The following NACA variants were observed in gnomAD, a reference collection of about 807,000 sequenced individuals.
The protein encoded by NACA is nascent polypeptide associated complex subunit alpha.
NACA carries 42 observed loss-of-function variants against 86.4 expected under a neutral mutation model. That is an observed-to-expected ratio of 0.49 (90% confidence interval 0.38 to 0.63). The LOEUF (loss-of-function observed/expected upper bound fraction) is 0.63, where lower values mean the gene tolerates loss of function less well. Ranked by LOEUF, NACA falls within the 20% of genes least tolerant of loss-of-function variation. The probability of loss-of-function intolerance (pLI) is 0.00; values close to 1 mark genes in which losing one functional copy is unlikely to be tolerated. For synonymous variants in NACA, 898 were observed against 973.7 expected (o/e 0.92, Z 1.45); for missense variants, 2,157 against 2,483.6 (o/e 0.87, Z 2.80).
At position 56,719,836 on chromosome 12, in the gene NACA, G is replaced by C; in HGVS notation, c.1694C>G (p.Ala565Gly). ...KDPTVLPLVQ[A>G]APKNSPSFQS... ...GAAAGAAGGGGAATTTTTAGGGGCT[G>C]CCTGGACTAACGGTAATACAGTAGG... The change falls in exon 3 of 9, where the codon GCA becomes GGA. Residue 565 changes from alanine (A) to glycine (G), a missense_variant. Around this residue, in one of 8 missense-constraint regions of NACA, gnomAD observed 947 missense variants for 917.9 expected, o/e 1.03. Transcript: ENST00000454682. The C allele has an allele frequency of 6.2e-7, 1 of 1,613,868 alleles. No individual in the cohort carries two copies. Among genetic ancestry groups the C allele is most frequent in the Non-Finnish European group, 8.5e-7 (1 of 1,179,858 alleles).
Position 56,721,464 on chromosome 12 carries a change from AG to A in NACA, c.71-6del. The A allele has an allele frequency of 6.7e-7, 1 of 1,488,084 alleles. No homozygotes were observed. The highest frequency in any genetic ancestry group is 2.3e-5 in the Admixed American group (1 of 43,386). 92.2% of individuals were successfully genotyped at this position (1,488,084 alleles called of 1,614,324 possible). A position where few individuals can be genotyped will look rare whatever the true frequency, so the allele number is the denominator to read the frequency against. On this transcript the variant is annotated splice_region_variant and splice_polypyrimidine_tract_variant and intron_variant, in intron 2 of 8. Coordinates refer to ENST00000454682, the MANE Select transcript of NACA (RefSeq NM_001365896.1). Reference sequence around the variant, plus strand: ...CTGAAGACATAGGTAGCACAGCTGGAGAAAGGCAAAAGGAGATAAAGAAAGG... The same window carrying A: ...CTGAAGACATAGGTAGCACAGCTGGAAAAGGCAAAAGGAGATAAAGAAAGG...
At position 56,719,376 on chromosome 12, in the gene NACA, A is replaced by C. The variant is rs1028860195; in HGVS notation, c.2154T>G (p.Cys718Trp). ...CCAGCACTAAGGTAGCCAGAGGAGCACAGGTATTCTGGGGGGATGGAGCCA... is the reference window on the plus strand; with the variant it reads ...CCAGCACTAAGGTAGCCAGAGGAGCCCAGGTATTCTGGGGGGATGGAGCCA... ...CPVAPSPQNTCAPLATLVLAP... is the reference protein window; with the variant it reads ...CPVAPSPQNTWAPLATLVLAP... Residue 718 changes from cysteine (C) to tryptophan (W), a missense_variant, in exon 3 of 9, where the codon TGT (cysteine) becomes TGG (tryptophan). Transcript: ENST00000454682. 6.2e-7 allele frequency: 1 copy of C among 1,610,728 alleles called. No individual in the cohort carries two copies. The highest frequency in any genetic ancestry group is 8.5e-7 in the Non-Finnish European group (1 of 1,178,512).
intron 8 of NACA, 98 bp from the exon 9 acceptor site, chr12:56,712,650 C>T: frequency 1.3e-6 from 2 of 1,596,042 alleles, no homozygotes; most frequent in Non-Finnish European, 1.7e-6. Context: ...ATTTAGGCCA[C>T]TAAAACCTAT....
intron 2 of NACA, 42 bp downstream of exon 2, chr12:56,724,410 G>C: frequency 6.4e-7 from 1 of 1,572,332 alleles, no homozygotes; most frequent in Non-Finnish European, 8.6e-7. Flanking sequence ...AATGGCTTTA[G>C]GGTTAATTTT....
At position 56,720,943 on chromosome 12, in the gene NACA, A is replaced by G. The variant is rs369587031; in HGVS notation, c.587T>C (p.Val196Ala). 62 of 1,613,924 alleles carry G rather than the reference A, an allele frequency of 3.8e-5. No individual in the cohort carries two copies. In the African/African-American group the frequency reaches 7.7e-4, roughly 20 times the overall value. Residue 196 changes from valine (V) to alanine (A), a missense_variant, in exon 3 of 9, where the codon GTC (valine) becomes GCC (alanine). Coordinates refer to ENST00000454682, the MANE Select transcript of NACA (RefSeq NM_001365896.1). ...GCTGGGGGTGCCTTTTGGATTAGGG[A>G]CTACCTCAGAGGGAACTTTATTAAG... ...TNLNKVPSEV[V>A]PNPKGTPSPP... is the part of the protein sequence containing the mutation.
In NACA at chr12:56,714,707, T is replaced by TAG. The variant is rs759852238; in HGVS notation, c.5660-21_5660-20insCT. On this transcript the variant is annotated intron_variant, in intron 3 of 8. Coordinates refer to ENST00000454682, the MANE Select transcript of NACA (RefSeq NM_001365896.1). Reference sequence around the variant, plus strand: ...CAGACCCTAAGATGAGAAACAACTTTTACTGCTTTATAGTAGAAATTATAA... The same window carrying TAG: ...CAGACCCTAAGATGAGAAACAACTTTAGTACTGCTTTATAGTAGAAATTATAA... 2 of 1,607,862 alleles carry TAG rather than the reference T, an allele frequency of 1.2e-6. No individual in the cohort carries two copies. The highest frequency in any genetic ancestry group is 2.2e-5 in the South Asian group (2 of 90,940).
chr12:56,719,927 C>G lies in NACA; in HGVS notation c.1603G>C (p.Val535Leu), dbSNP rs1359973154. The change falls in exon 3 of 9, where the codon GTA (valine) becomes CTA (leucine). Residue 535 changes from valine (V) to leucine (L), a missense_variant. Around this residue, in one of 8 missense-constraint regions of NACA, gnomAD observed 947 missense variants for 917.9 expected, o/e 1.03. Transcript: ENST00000454682. The stretch of plus-strand genomic sequence containing the variant: ...GGGGCTCCTTCAAGAGAGGCAGGTA[C>G]AGTTTGGAGGTCTTTTTGTGTTGGA... ...KFPTQKDLQT[V>L]PASLEGAPFS... The G allele has an allele frequency of 6.2e-7, 1 of 1,613,566 alleles. No individual in the cohort carries two copies. The highest frequency in any genetic ancestry group is 8.5e-7 in the Non-Finnish European group (1 of 1,179,824).
intron 3 of NACA, 142 bp downstream of exon 3, chr12:56,715,729 A>G (rs969471792): frequency 1.3e-6 from 1 of 753,012 alleles, no homozygotes; most frequent in Non-Finnish European, 2.0e-6. Context: ...TGCATTTAAA[A>G]TTATCATTCT....
intron 2 of NACA, among the ~76,000 whole-genome samples, chr12:56,723,607 T>C (rs1953631726): frequency 1.3e-5 from 2 of 152,124 alleles, no homozygotes; most frequent in Admixed American, 1.3e-4. Flanking sequence ...CTTTCAACTA[T>C]AAGCAACTCT....
chr12:56,721,494 AG>A, intron 2 of NACA, 35 bp from the exon 3 acceptor site: 3 of 1,310,088 alleles, frequency 2.3e-6, no homozygotes, highest in African/African-American at 1.5e-5. Context: ...AGAAAGGGGG[AG>A]GGGGAGGAGA....
chr12:56,716,247 G>A lies in NACA; in HGVS notation c.5283C>T (p.Pro1761=), dbSNP rs745779934. ...GKDASHSPKG[P]LAPPESKAST... is the part of the protein sequence containing the mutation. ...ACGCCTTAGACTCAGGAGGAGCCAA[G>A]GGGCCCTTTGGGGAATGAGAAGCAT... The change falls in exon 3 of 9, where the codon CCC becomes CCT. Residue 1761 remains proline (P), a synonymous_variant. Transcript: ENST00000454682. The A allele has an allele frequency of 1.2e-6, 2 of 1,613,802 alleles. No homozygotes were observed. Among genetic ancestry groups the A allele is most frequent in the South Asian group, 1.1e-5 (1 of 91,022 alleles).
rs1592317818 is a variant in NACA, at chr12:56,718,757, G to A, written c.2773C>T (p.Pro925Ser). 2 of 1,446,306 alleles carry A rather than the reference G, an allele frequency of 1.4e-6. No homozygotes were observed. The highest frequency in any genetic ancestry group is 6.0e-5 in the East Asian group (2 of 33,364). 89.6% of individuals were successfully genotyped at this position (1,446,306 alleles called of 1,614,324 possible). A position where few individuals can be genotyped will look rare whatever the true frequency, so the allele number is the denominator to read the frequency against. ...GAAGCTGGGATTCCTTTAGGGGCTG[G>A]AGTTGCTCGGGCCTTTTTGGGGGAG... is the stretch of plus-strand genomic sequence containing the variant. ...SSSPKKARATPAPKGIPASPS... is the reference protein window; with the variant it reads ...SSSPKKARATSAPKGIPASPS... Residue 925 changes from proline (P) to serine (S), a missense_variant, in exon 3 of 9, where the codon CCA becomes TCA. Around this residue, in one of 8 missense-constraint regions of NACA, gnomAD observed 174 missense variants for 217.0 expected, o/e 0.80. Transcript: ENST00000454682.
chr12:56,712,427 T>C lies in NACA; in HGVS notation c.*111A>G. ...GGCGGGGAAGAGACCAGTCACCGAC[T>C]GAATTCATCCAACAAGAAGCCATAA... On this transcript the variant is annotated 3_prime_UTR_variant, in exon 9 of 9. Coordinates refer to ENST00000454682, the MANE Select transcript of NACA (RefSeq NM_001365896.1). 1 of 1,147,042 alleles carries C rather than the reference T, an allele frequency of 8.7e-7. No individual in the cohort carries two copies. The highest frequency in any genetic ancestry group is 2.4e-5 in the East Asian group (1 of 42,238). 71.1% of individuals were successfully genotyped at this position (1,147,042 alleles called of 1,614,324 possible).
In NACA at chr12:56,716,252, C is replaced by T. The variant is rs769697215; in HGVS notation, c.5278G>A (p.Gly1760Ser). Residue 1760 changes from glycine (G) to serine (S), a missense_variant, in exon 3 of 9, where the codon GGC becomes AGC. Gly to Ser is a moderately conservative substitution (Grantham distance 56). Around this residue, in one of 8 missense-constraint regions of NACA, gnomAD observed 797 missense variants for 777.6 expected, o/e 1.02. Transcript: ENST00000454682. ...KGKDASHSPK[G>S]PLAPPESKAS... ...TTAGACTCAGGAGGAGCCAAGGGGC[C>T]CTTTGGGGAATGAGAAGCATCTTTG... 1.9e-6 allele frequency: 3 copies of T among 1,613,580 alleles called. No homozygotes were observed. The African/African-American group carries it at 4.0e-5, about 22-fold the overall frequency.
At position 56,720,534 on chromosome 12, in the gene NACA, T is replaced by C. The variant is rs199685932; in HGVS notation, c.996A>G (p.Ser332=). The C allele has an allele frequency of 2.2e-4, 350 of 1,613,902 alleles. No individual in the cohort carries two copies. The African/African-American group carries it at 4.2e-3, about 19-fold the overall frequency. The change falls in exon 3 of 9, where the codon TCA becomes TCG. Residue 332 remains serine, a synonymous_variant. Transcript: ENST00000454682. ...CAGAAATGGTCTTCACTGTAGGGTC[T>C]GACAAAGCACTAGGACCTGTTTGAC... is the stretch of plus-strand genomic sequence containing the variant. The part of the protein sequence containing the change: ...LLGQTGPSAL[S]DPTVKTISVD...
At position 56,719,708 on chromosome 12, in the gene NACA, T is replaced by TA. The variant is rs1953516176; in HGVS notation, c.1821dup (p.Met608TyrfsTer8). 6.2e-7 allele frequency: 1 copy of TA among 1,613,832 alleles called. No homozygotes were observed. Among genetic ancestry groups the TA allele is most frequent in the South Asian group, 1.1e-5 (1 of 91,086 alleles). ...GAGTTAACACCCAGAGGGGAGGTCA[T>TA]ACTGCTGGCTGGCTTACCTATAGGG... On this transcript the variant is annotated frameshift_variant, in exon 3 of 9. Transcript: ENST00000454682. LOFTEE classifies it high-confidence loss of function.
Position 56,716,151 on chromosome 12 carries a change from T to G in NACA, c.5379A>C (p.Ala1793=), listed in dbSNP as rs199723539. 8 of 1,612,990 alleles carry G rather than the reference T, an allele frequency of 5.0e-6. No homozygotes were observed. In the Admixed American group the frequency reaches 1.2e-4, roughly 24 times the overall value. ...PKPESASVSA[A]PSPPVSLPLA... ...GAGGCAGAGAGACTGGTGGGGAGGG[T>G]GCTGCAGAGACAGATGCTGATTCAG... Residue 1793 remains alanine, a synonymous_variant, in exon 3 of 9, where the codon GCA becomes GCC. Transcript: ENST00000454682.
chr12:56,717,699 ACCT>A lies in NACA; in HGVS notation c.3828_3830del (p.Gly1277del), dbSNP rs1468456097. 1.0e-5 allele frequency: 10 copies of A among 990,764 alleles called. No homozygotes were observed. Among genetic ancestry groups the A allele is most frequent in the African/African-American group, 8.9e-5 (3 of 33,720 alleles). 61.4% of individuals were successfully genotyped at this position (990,764 alleles called of 1,614,324 possible). On this transcript the variant is annotated inframe_deletion, in exon 3 of 9. Transcript: ENST00000454682. ...CCCCTTTGTGGGGTGGGGTAGCTAG[ACCT>A]CCTTTTAGGGAGGGAGGAGTTGCAG...
Position 56,719,465 on chromosome 12 carries a change from G to C in NACA, c.2065C>G (p.Pro689Ala), listed in dbSNP as rs778696789. Reference sequence around the variant, plus strand: ...GTAGTAAGAGTACCTTCCTTAACTGGGTGGTTTTTAGGAGCTAAAGAGACA... The same window carrying C: ...GTAGTAAGAGTACCTTCCTTAACTGCGTGGTTTTTAGGAGCTAAAGAGACA... Reference protein sequence around the residue: ...GTVSLAPKNHPVKEGTLTTLP... With the variant: ...GTVSLAPKNHAVKEGTLTTLP... Residue 689 changes from proline to alanine, a missense_variant, in exon 3 of 9, where the codon CCA becomes GCA. Physicochemically the swap from Pro to Ala is conservative, Grantham distance 27. Around this residue, in one of 8 missense-constraint regions of NACA, gnomAD observed 947 missense variants for 917.9 expected, o/e 1.03. Transcript: ENST00000454682. 87 of 1,613,670 alleles carry C rather than the reference G, an allele frequency of 5.4e-5. No homozygotes were observed. The highest frequency in any genetic ancestry group is 6.9e-5 in the Non-Finnish European group (81 of 1,179,810).
Sources: gnomAD v4.1 joint callset for allele counts (sites outside exome capture counted in the v4.1 genomes callset) on GRCh38, gnomAD v4.1.1 for gene constraint, gnomAD v4.1.1 regional missense constraint, MANE v1.5 for transcripts, NCBI Gene and HGNC (gene_info 2026-07-23, HGNC 2026-07-21) for gene names.